The following GINM1 variants were observed in gnomAD, a reference collection of about 807,000 sequenced individuals.
GINM1 encodes glycoprotein integral membrane protein 1.
In GINM1, 29 loss-of-function variants were observed where a neutral mutation model predicts 37.8. That is an observed-to-expected ratio of 0.77 (90% CI 0.57 to 1.05). The LOEUF (loss-of-function observed/expected upper bound fraction) is 1.05. Ranked by LOEUF, GINM1 falls within the 50% of genes least tolerant of loss-of-function variation. The probability of loss-of-function intolerance (pLI) is 0.00; values close to 1 mark genes in which losing one functional copy is unlikely to be tolerated. For synonymous variants in GINM1, 143 were observed against 146.2 expected, an observed-to-expected ratio of 0.98 and a Z score of 0.16; for missense variants, 377 against 397.9, an observed-to-expected ratio of 0.95 and a Z score of 0.45.
Position 149,579,845 on chromosome 6 carries a change from G to A in GINM1, c.441G>A (p.Lys147=). Residue 147 remains lysine, a synonymous_variant, in exon 5 of 8, where the codon AAG becomes AAA. Transcript: ENST00000367419. ...ATTTTCTTTCACAGGTTCAGCAAAA[G>A]GATGTCACTGAAATTGATATTTTAG... ...VEIDGKQVQQ[K]DVTEIDILVK... The A allele has an allele frequency of 6.3e-7, 1 of 1,591,506 alleles. No individual in the cohort carries two copies. Among genetic ancestry groups the A allele is most frequent in the East Asian group, 2.2e-5 (1 of 44,524 alleles).
intron 5 of GINM1, 145 bp from the exon 6 acceptor site, chr6:149,580,448 A>G: frequency 1.5e-6 from 1 of 661,704 alleles, no homozygotes; most frequent in Non-Finnish European, 2.5e-6. Flanking sequence ...TGACATTTAA[A>G]TCAGTGAACA....
chr6:149,590,153 C>G (rs1198486687), intron 7 of GINM1, among the ~76,000 whole-genome samples: 2 of 152,128 alleles, frequency 1.3e-5, no homozygotes, highest in African/African-American at 4.8e-5. Flanking sequence ...ACAACTTTGT[C>G]TTCTCCCCAT....
Position 149,572,314 on chromosome 6 carries a change from GAA to G in GINM1, c.152_153del (p.Lys51ArgfsTer2), listed in dbSNP as rs1197314799. ...DGIRINVTTL[K>X]DDGDISKQQV... ...GCATCAGAATTAATGTAACTACACT[GAA>G]AGATGATGGGGACATATCTAAACAG... On this transcript the variant is annotated frameshift_variant, in exon 2 of 8. Coordinates refer to ENST00000367419, the MANE Select transcript of GINM1 (RefSeq NM_138785.5). LOFTEE classifies it high-confidence loss of function. 1 of 1,600,812 alleles carries G rather than the reference GAA, an allele frequency of 6.2e-7. No individual in the cohort carries two copies. Among genetic ancestry groups the G allele is most frequent in the East Asian group, 2.2e-5 (1 of 44,778 alleles).
At chr6:149,581,515 C>T (rs1319442735) in intron 6 of GINM1, among the ~76,000 whole-genome samples, 5 of 152,042 alleles carry the variant, frequency 3.3e-5, no homozygotes, top group African/African-American at 9.7e-5. Flanking sequence ...TCTCTCTACC[C>T]TCAGTTTCTT....
intron 3 of GINM1, among the ~76,000 whole-genome samples, chr6:149,575,129 A>G (rs779147548): frequency 5.3e-4 from 80 of 152,002 alleles, no homozygotes; most frequent in African/African-American, 1.5e-3. Context: ...ACTCTATATC[A>G]TTTGGTTGGA....
chr6:149,582,478 G>C lies in GINM1; in HGVS notation c.756G>C (p.Leu252=), dbSNP rs1417260303. 1 of 1,610,944 alleles carries C rather than the reference G, an allele frequency of 6.2e-7. No homozygotes were observed. Among genetic ancestry groups the C allele is most frequent in the Non-Finnish European group, 8.5e-7 (1 of 1,179,428 alleles). The change falls in exon 7 of 8, where the codon CTG becomes CTC. Residue 252 remains leucine, a synonymous_variant. Transcript: ENST00000367419. ...CQWMEKFRKD[L]CRFWSNVFPV... ...GGATGGAAAAGTTTAGAAAAGATCT[G>C]TGTAGGTTCTGGAGCAACGTTTTCC...
chr6:149,572,445 C>A, intron 2 of GINM1, 62 bp from the exon 3 acceptor site: 1 of 1,288,064 alleles, frequency 7.8e-7, no homozygotes, highest in Non-Finnish European at 1.1e-6. Flanking sequence ...TCTTTTTTGA[C>A]TTGAAGAGTT....
rs780533161 is a variant in GINM1 at position 149,590,809 on chromosome 6, GA to G, written c.968del (p.Asn323ThrfsTer49). 1 of 1,589,646 alleles carries G rather than the reference GA, an allele frequency of 6.3e-7. No homozygotes were observed. Among genetic ancestry groups the G allele is most frequent in the Non-Finnish European group, 8.6e-7 (1 of 1,158,322 alleles). ...LYPDGPEKRA[E>X]NLEDKTCI ...TCCAGATGGTCCAGAGAAAAGAGCT[GA>G]AAACCTTGAAGATAAAACATGTATT... On this transcript the variant is annotated frameshift_variant, in exon 8 of 8. Coordinates refer to ENST00000367419, the MANE Select transcript of GINM1 (RefSeq NM_138785.5). LOFTEE classifies it high-confidence loss of function.
At chr6:149,585,216 T>C (rs1582738272) in intron 7 of GINM1, among the ~76,000 whole-genome samples, 4 of 152,200 alleles carry the variant, frequency 2.6e-5, no homozygotes, top group Non-Finnish European at 4.4e-5. Flanking sequence ...ACAGATGCAA[T>C]ATAAAATTAA....
chr6:149,576,009 T>C (rs1232550783), intron 3 of GINM1: 1 of 152,150 alleles, frequency 6.6e-6, no homozygotes, highest in Non-Finnish European at 1.5e-5. Flanking sequence ...CTTTAGTTGG[T>C]GTATTTGTTT....
intron 1 of GINM1, among the ~76,000 whole-genome samples, chr6:149,568,144 C>T (rs1777751006): frequency 6.6e-6 from 1 of 152,202 alleles, no homozygotes; most frequent in Non-Finnish European, 1.5e-5. Context: ...TGCAGTGGCT[C>T]ACGCCTGTAA....
chr6:149,590,426 T>C (rs369341532), intron 7 of GINM1, among the ~76,000 whole-genome samples: 12 of 152,320 alleles, frequency 7.9e-5, no homozygotes, highest in African/African-American at 2.9e-4. Context: ...AGGCTTAGGC[T>C]TTTTGCTCAG....
At chr6:149,579,560 C>T (rs1777966431) in intron 4 of GINM1, among the ~76,000 whole-genome samples, 2 of 152,012 alleles carry the variant, frequency 1.3e-5, no homozygotes, top group Non-Finnish European at 2.9e-5. Flanking sequence ...GGCATGGTGG[C>T]GCATGCCTGT....
chr6:149,572,807 A>G (rs1777850097), intron 3 of GINM1, among the ~76,000 whole-genome samples: 1 of 152,206 alleles, frequency 6.6e-6, no homozygotes, highest in East Asian at 1.9e-4. Context: ...GACTGCAGGC[A>G]TGTGCCACCA....
rs1314663881 is a variant in GINM1, at chr6:149,572,535, G to A, written c.209G>A (p.Gly70Glu). 6.2e-7 allele frequency: 1 copy of A among 1,603,188 alleles called. No homozygotes were observed. The highest frequency in any genetic ancestry group is 1.1e-5 in the South Asian group (1 of 90,210). ...QVVLNITYES[G>E]QVYVNDLPVN... The stretch of plus-strand genomic sequence containing the variant: ...GTTCTTAACATAACCTATGAGAGTG[G>A]ACAGGTGTATGTAAATGACTTACCT... The change falls in exon 3 of 8, where the codon GGA becomes GAA. Residue 70 changes from glycine to glutamate, a missense_variant. Physicochemically the swap from Gly to Glu is moderately conservative, Grantham distance 98. Transcript: ENST00000367419.
chr6:149,575,990 A>G (rs1777909172), intron 3 of GINM1: 1 of 152,204 alleles, frequency 6.6e-6, no homozygotes, highest in Non-Finnish European at 1.5e-5. Flanking sequence ...TTCTTTAAAG[A>G]AACTTTTTCT....
In GINM1 at chr6:149,582,600, A is replaced by G; in HGVS notation, c.878A>G (p.Tyr293Cys). ...ILKVFFPVSE[Y>C]KGILQLDKVD... Reference sequence around the variant, plus strand: ...AAGGTGTTTTTCCCAGTTTCTGAATACAAGTAAGTATTTCTTATTTTTGAA... The same window carrying G: ...AAGGTGTTTTTCCCAGTTTCTGAATGCAAGTAAGTATTTCTTATTTTTGAA... Residue 293 changes from tyrosine (Y) to cysteine (C), a missense_variant, in exon 7 of 8, where the codon TAC becomes TGC. Tyr to Cys is a radical substitution (Grantham distance 194, BLOSUM62 -2). Coordinates refer to ENST00000367419, the MANE Select transcript of GINM1 (RefSeq NM_138785.5). 6.4e-7 allele frequency: 1 copy of G among 1,556,894 alleles called. No homozygotes were observed. Among genetic ancestry groups the G allele is most frequent in the South Asian group, 1.2e-5 (1 of 82,750 alleles).
intron 3 of GINM1, among the ~76,000 whole-genome samples, chr6:149,573,299 C>T (rs1039197157): frequency 3.3e-5 from 5 of 151,632 alleles, no homozygotes; most frequent in African/African-American, 4.8e-5. Flanking sequence ...AGCAAGGCTC[C>T]GTCACAAAAA....
chr6:149,579,660 C>G (rs1777968070), intron 4 of GINM1, among the ~76,000 whole-genome samples, 174 bp from the exon 5 acceptor site: 2 of 151,318 alleles, frequency 1.3e-5, no homozygotes, highest in Non-Finnish European at 2.9e-5. Context: ...CCATTGCACT[C>G]CAGCCTGGGC....
Sources: allele counts gnomAD v4.1 joint callset (sites outside exome capture counted in the v4.1 genomes callset), GRCh38; gene constraint gnomAD v4.1.1; transcripts MANE v1.5; gene names NCBI Gene and HGNC (gene_info 2026-07-23, HGNC 2026-07-21).